Variants in RHOG observed in about 807,000 individuals in gnomAD.
RHOG encodes rho-related GTP-binding protein RhoG.
Under a neutral mutation model 12.3 loss-of-function variants are expected in RHOG, and 1 was observed. The ratio of observed to expected loss-of-function variants is 0.08; its 90% CI spans 0.03 to 0.39. RHOG has a LOEUF of 0.39. Ranked by LOEUF, RHOG falls within the 10% of genes least tolerant of loss-of-function variation. RHOG has a pLI of 0.99. For missense variants in RHOG, 114 were observed against 266.2 expected (o/e 0.43, Z 3.98); for synonymous variants, 129 against 116.0 (o/e 1.11, Z -0.72).
At position 3,827,450 on chromosome 11, in the gene RHOG, C is replaced by T; in HGVS notation, c.*113G>A. ...TCAGAGAAAAAGGCATTCAGGGAAC[C>T]CCCTGGAAAGGGGTGCCAGAATTAG... On this transcript the variant is annotated 3_prime_UTR_variant, in exon 2 of 2. Transcript: ENST00000351018. This position sits in a 1 kb window ranked among gnomAD's most constrained non-coding sequence, Gnocchi z 7.3. 2 of 832,836 alleles carry T rather than the reference C, an allele frequency of 2.4e-6. No homozygotes were observed. Among genetic ancestry groups the T allele is most frequent in the Non-Finnish European group, 3.7e-6 (2 of 539,096 alleles). 51.6% of individuals were successfully genotyped at this position (832,836 alleles called of 1,614,324 possible).
At chr11:3,832,874 T>C (rs1305746996) in intron 1 of RHOG, among the ~76,000 whole-genome samples, 2 of 152,176 alleles carry the variant, frequency 1.3e-5, no homozygotes, top group Non-Finnish European at 2.9e-5. Flanking sequence ...AATGACTTAT[T>C]CACTAAGTGG....
At chr11:3,828,669 G>A (rs1484876390) in intron 1 of RHOG, among the ~76,000 whole-genome samples, 1 of 140,744 alleles carries the variant, frequency 7.1e-6, no homozygotes, top group Non-Finnish European at 1.5e-5. Flanking sequence ...TGTCACCCAG[G>A]CTGGAGTGCA....
chr11:3,828,224 G>A lies in RHOG; in HGVS notation c.-68-18C>T. 1.6e-6 allele frequency: 2 copies of A among 1,280,564 alleles called. No individual in the cohort carries two copies. Among genetic ancestry groups the A allele is most frequent in the South Asian group, 2.8e-5 (2 of 72,104 alleles). The allele number at this position is 1,280,564 out of a possible 1,614,324, so 79.3% of individuals were successfully genotyped here. A position where few individuals can be genotyped will look rare whatever the true frequency, so the allele number is the denominator to read the frequency against. On this transcript the variant is annotated intron_variant, in intron 1 of 1. Transcript: ENST00000351018. ...GCAGTGACCTGTGGACAGATGAAAG[G>A]GGACATTCTTGGTTAGGGAGGCCTC...
intron 1 of RHOG, among the ~76,000 whole-genome samples, chr11:3,831,607 T>G (rs898939631): frequency 2.0e-5 from 3 of 152,196 alleles, no homozygotes; most frequent in African/African-American, 7.2e-5. Context: ...TAACCAAGCA[T>G]GAGGCATTTA....
intron 1 of RHOG, among the ~76,000 whole-genome samples, chr11:3,831,619 G>A (rs570560422): frequency 2.6e-5 from 4 of 152,274 alleles, no homozygotes; most frequent in African/African-American, 7.2e-5. Context: ...AGGCATTTAC[G>A]CTTGCTGGGC....
intron 1 of RHOG, among the ~76,000 whole-genome samples, chr11:3,828,898 G>A (rs1454640047): frequency 1.3e-5 from 2 of 151,768 alleles, no homozygotes; most frequent in Non-Finnish European, 2.9e-5. Flanking sequence ...GGGATTACAG[G>A]CGTGAGCCAC....
Position 3,827,285 on chromosome 11 carries a change from G to C in RHOG, c.*278C>G. ...AACTGGTCAGTAGCGGAAAATGGGA[G>C]GGGGCACTGGGTTGGCCTCTTGGGG... On this transcript the variant is annotated 3_prime_UTR_variant, in exon 2 of 2. Coordinates refer to ENST00000351018, the MANE Select transcript of RHOG (RefSeq NM_001665.4). This position sits in a 1 kb window ranked among gnomAD's most constrained non-coding sequence, Gnocchi z 7.3. 4.1e-6 allele frequency: 2 copies of C among 486,648 alleles called. No homozygotes were observed. Among genetic ancestry groups the C allele is most frequent in the Non-Finnish European group, 7.4e-6 (2 of 270,386 alleles). 30.1% of individuals were successfully genotyped at this position (486,648 alleles called of 1,614,324 possible).
chr11:3,827,129 T>G lies in RHOG; in HGVS notation c.*434A>C. On this transcript the variant is annotated 3_prime_UTR_variant, in exon 2 of 2. Transcript: ENST00000351018. This position sits in a 1 kb window ranked among gnomAD's most constrained non-coding sequence, Gnocchi z 7.3. ...TTCTCAGGATTCTGTGGCTCCCTCA[T>G]TGGAGAAGGGAGAGAGCATCTTGGG... 5.3e-6 allele frequency: 1 copy of G among 189,080 alleles called. No individual in the cohort carries two copies. The allele number at this position is 189,080 out of a possible 1,614,324, so 11.7% of individuals were successfully genotyped here.
rs865969223 is a variant in RHOG at position 3,833,400 on chromosome 11, G to A, written c.-68-5194C>T. ...CTCCCAAAGTGCTGGGATTATGGGC[G>A]TGGGCCACCATGCCTGGCCAGATCT... On this transcript the variant is annotated intron_variant, in intron 1 of 1. Transcript: ENST00000351018. 1.1e-4 allele frequency among the ~76,000 whole-genome samples: 17 copies of A among 152,312 alleles called. 1 individual carries two copies. Among genetic ancestry groups the A allele is most frequent in the Non-Finnish European group, 2.2e-4 (15 of 68,034 alleles).
intron 1 of RHOG, among the ~76,000 whole-genome samples, chr11:3,834,687 C>A (rs4397843): frequency 0.39 from 59,287 of 152,048 alleles, 12,851 homozygotes; most frequent in East Asian, 0.52. Context: ...GGGTGTGGCC[C>A]AGGCAGGCCC....
In RHOG at chr11:3,827,593, G is replaced by A. The variant is rs748382265; in HGVS notation, c.546C>T (p.Ile182=). The A allele has an allele frequency of 1.1e-5, 17 of 1,609,750 alleles. No homozygotes were observed. The South Asian group carries it at 1.5e-4, about 15-fold the overall frequency. Residue 182 remains isoleucine (I), a synonymous_variant, in exon 2 of 2, where the codon ATC becomes ATT. Coordinates refer to ENST00000351018, the MANE Select transcript of RHOG (RefSeq NM_001665.4). The surrounding 1 kb of genome is among the most constrained non-coding windows in gnomAD (Gnocchi z 7.3). ...AVRAVLNPTP[I]KRGRSCILL Reference sequence around the variant, plus strand: ...AGAGGATGCAGGACCGCCCACGCTTGATCGGCGTGGGGTTGAGCACAGCCC... The same window carrying A: ...AGAGGATGCAGGACCGCCCACGCTTAATCGGCGTGGGGTTGAGCACAGCCC...
chr11:3,839,784 G>A (rs1248852007), intron 1 of RHOG, among the ~76,000 whole-genome samples: 1 of 152,148 alleles, frequency 6.6e-6, no homozygotes, highest in African/African-American at 2.4e-5. Flanking sequence ...ATACAGAGAG[G>A]GTGACAGGCT....
At chr11:3,828,863 G>T (rs374964277) in intron 1 of RHOG, among the ~76,000 whole-genome samples, 20 of 151,698 alleles carry the variant, frequency 1.3e-4, no homozygotes, top group Non-Finnish European at 2.8e-4. Flanking sequence ...CTCGTGATCC[G>T]CCCGCCTTGG....
intron 1 of RHOG, among the ~76,000 whole-genome samples, chr11:3,835,365 C>A (rs2090150491): frequency 6.6e-6 from 1 of 152,202 alleles, no homozygotes; most frequent in African/African-American, 2.4e-5. Flanking sequence ...CACAGCAACC[C>A]CCTCTTCTGC....
At chr11:3,838,338 C>G (rs2090168661) in intron 1 of RHOG, among the ~76,000 whole-genome samples, 1 of 152,204 alleles carries the variant, frequency 6.6e-6, no homozygotes, top group African/African-American at 2.4e-5. Context: ...CAGATCTCAC[C>G]TGGGAGAATC....
chr11:3,830,215 G>A (rs1171462743), intron 1 of RHOG, among the ~76,000 whole-genome samples: 1 of 152,170 alleles, frequency 6.6e-6, no homozygotes, highest in Non-Finnish European at 1.5e-5. Context: ...TAAGAACATA[G>A]ATGCTAGAGT....
intron 1 of RHOG, chr11:3,840,555 G>C (rs932627368): frequency 2.8e-5 from 4 of 140,660 alleles, no homozygotes; most frequent in African/African-American, 5.5e-5. Context: ...ACCAACTTCT[G>C]AGGACACCCC....
chr11:3,828,874 C>T (rs7929536), intron 1 of RHOG, among the ~76,000 whole-genome samples: 22,813 of 151,708 alleles, frequency 0.15, 1,825 homozygotes, highest in Middle Eastern at 0.19. Context: ...CCCGCCTTGG[C>T]CTCCTAAAGT....
At position 3,840,402 on chromosome 11, in the gene RHOG, A is replaced by C. The variant is rs138133494; in HGVS notation, c.-69+492T>G. ...TGCAGACCGAGTGTGGGTCTGTATT[A>C]GCATCCATCTGACAGGGAGAGAGCT... On this transcript the variant is annotated intron_variant, in intron 1 of 1. Coordinates refer to ENST00000351018, the MANE Select transcript of RHOG (RefSeq NM_001665.4). Among the ~76,000 whole-genome samples, 211 of 151,856 alleles carry C rather than the reference A, an allele frequency of 1.4e-3. 1 individual carries two copies. The highest frequency in any genetic ancestry group is 4.8e-3 in the African/African-American group (198 of 41,378).
Sources: gnomAD v4.1 joint callset for allele counts (sites outside exome capture counted in the v4.1 genomes callset) on GRCh38, gnomAD v4.1.1 for gene constraint, Gnocchi (gnomAD v3.1) non-coding constraint, MANE v1.5 for transcripts, NCBI Gene and HGNC (gene_info 2026-07-23, HGNC 2026-07-21) for gene names.